The following OLFM3 variants were observed in gnomAD, a reference collection of about 807,000 sequenced individuals.
OLFM3 encodes the protein olfactomedin 3.
OLFM3 carries 20 observed loss-of-function variants against 48.6 expected under a neutral mutation model. The ratio of observed to expected loss-of-function variants is 0.41; its 90% CI spans 0.29 to 0.60. The LOEUF is 0.60. Among genes scored for constraint, OLFM3 ranks in the 20% least tolerant of loss-of-function variants. The pLI, the probability that OLFM3 is intolerant of heterozygous loss-of-function variation, is 0.28. For missense variants in OLFM3, 437 were observed against 544.3 expected (o/e 0.80, Z 1.96); for synonymous variants, 222 against 198.1 (o/e 1.12, Z -1.01).
chr1:101,957,232 C>T (rs1660324664), intron 1 of OLFM3, among the ~76,000 whole-genome samples: 1 of 151,958 alleles, frequency 6.6e-6, no homozygotes, highest in Admixed American at 6.6e-5. Flanking sequence ...CTTTTGGAGT[C>T]AGTCTCATAT....
At chr1:101,993,419 A>G (rs1029889485) in intron 1 of OLFM3, among the ~76,000 whole-genome samples, 1 of 152,120 alleles carries the variant, frequency 6.6e-6, no homozygotes, top group Non-Finnish European at 1.5e-5. Context: ...AATTCCCTAC[A>G]CAGAAATAGT....
At chr1:101,940,020 A>G (rs1409189171) in intron 1 of OLFM3, among the ~76,000 whole-genome samples, 1 of 152,126 alleles carries the variant, frequency 6.6e-6, no homozygotes, top group Non-Finnish European at 1.5e-5. Context: ...TCACATTTTC[A>G]TCTCAATTTG....
In OLFM3 at chr1:101,803,882, C is replaced by G. The variant is rs527463243; in HGVS notation, c.*356G>C. 3.8e-5 allele frequency: 6 copies of G among 158,812 alleles called. No individual in the cohort carries two copies. Among genetic ancestry groups the G allele is most frequent in the Non-Finnish European group, 8.2e-5 (6 of 73,024 alleles). 9.8% of individuals were successfully genotyped at this position (158,812 alleles called of 1,614,324 possible). A position where few individuals can be genotyped will look rare whatever the true frequency, so the allele number is the denominator to read the frequency against. On this transcript the variant is annotated 3_prime_UTR_variant, in exon 6 of 6. Coordinates refer to ENST00000370103, the MANE Select transcript of OLFM3 (RefSeq NM_058170.4). ...TGGAGCAAAAGACAGTAAAAAATGA[C>G]AGTTTTAAAAAAAAAGACATTCGTG...
At chr1:101,854,006 G>T (rs1425075290) in intron 1 of OLFM3, among the ~76,000 whole-genome samples, 1 of 151,898 alleles carries the variant, frequency 6.6e-6, no homozygotes, top group Non-Finnish European at 1.5e-5. Context: ...CTTGCCTTTG[G>T]CTAGCCAAAT....
chr1:101,819,226 A>G (rs1349221506), intron 4 of OLFM3, among the ~76,000 whole-genome samples: 2 of 152,056 alleles, frequency 1.3e-5, no homozygotes, highest in Non-Finnish European at 2.9e-5. Context: ...AGCATGCGCA[A>G]TTGAGAAACT....
At chr1:101,926,116 T>C (rs1236875244) in intron 1 of OLFM3, among the ~76,000 whole-genome samples, 3 of 152,208 alleles carry the variant, frequency 2.0e-5, no homozygotes, top group African/African-American at 7.2e-5. Flanking sequence ...TCATTATAAA[T>C]AGTCCAGTGT....
intron 1 of OLFM3, among the ~76,000 whole-genome samples, chr1:101,930,977 A>C (rs1236736150): frequency 2.6e-5 from 4 of 152,228 alleles, no homozygotes; most frequent in African/African-American, 9.6e-5. Flanking sequence ...TTTTAAAGAA[A>C]TTGATATTTT....
At chr1:101,930,909 G>C (rs1311611634) in intron 1 of OLFM3, among the ~76,000 whole-genome samples, 1 of 152,122 alleles carries the variant, frequency 6.6e-6, no homozygotes, top group Non-Finnish European at 1.5e-5. Context: ...CAAAATAATG[G>C]GACCTAAAGG....
intron 1 of OLFM3, among the ~76,000 whole-genome samples, chr1:101,929,549 C>G (rs1214339544): frequency 1.3e-5 from 2 of 151,960 alleles, no homozygotes; most frequent in African/African-American, 4.8e-5. Flanking sequence ...CCAATTAGCT[C>G]CTGAGACAGC....
In OLFM3 at chr1:101,813,740, A is replaced by G. The variant is rs12088855; in HGVS notation, c.593-7558T>C. On this transcript the variant is annotated intron_variant, in intron 4 of 5. Transcript: ENST00000370103. The stretch of plus-strand genomic sequence containing the variant: ...TCTGACCAGTGACTCAAAATGCCCA[A>G]TTGCAGGCTTTGTCTTCCTGCTATT... 5.7e-3 allele frequency among the ~76,000 whole-genome samples: 870 copies of G among 152,228 alleles called. 10 individuals are homozygous for G. The highest frequency in any genetic ancestry group is 0.02 in the African/African-American group (812 of 41,552).
chr1:101,853,623 T>C (rs1288593696), intron 1 of OLFM3, among the ~76,000 whole-genome samples: 1 of 152,052 alleles, frequency 6.6e-6, no homozygotes, highest in Non-Finnish European at 1.5e-5. Context: ...ATGAGATAAA[T>C]GGATAAATGA....
chr1:101,885,375 G>A (rs577692334), intron 1 of OLFM3, among the ~76,000 whole-genome samples: 7 of 152,028 alleles, frequency 4.6e-5, no homozygotes, highest in South Asian at 2.1e-4. Flanking sequence ...TCTATGATAC[G>A]AGCACTGAAA....
Position 101,830,072 on chromosome 1 carries a change from T to C in OLFM3, c.372+600A>G, listed in dbSNP as rs558354864. ...CCAGGATGGTCTCAATCTCCTGACCTTGTGATCTGCCCACCTCGGCCTCCC... is the reference window on the plus strand; with the variant it reads ...CCAGGATGGTCTCAATCTCCTGACCCTGTGATCTGCCCACCTCGGCCTCCC... On this transcript the variant is annotated intron_variant, in intron 3 of 5. Transcript: ENST00000370103. 7.9e-5 allele frequency among the ~76,000 whole-genome samples: 12 copies of C among 152,140 alleles called. No homozygotes were observed. In the South Asian group the frequency reaches 2.5e-3, roughly 32 times the overall value.
intron 1 of OLFM3, among the ~76,000 whole-genome samples, chr1:101,951,510 T>G (rs1429629289): frequency 1.3e-5 from 2 of 152,148 alleles, no homozygotes; most frequent in Non-Finnish European, 2.9e-5. Flanking sequence ...TGGCAGGGGT[T>G]CCTGTAATGA....
chr1:101,993,171 T>A (rs1661463049), intron 1 of OLFM3, among the ~76,000 whole-genome samples: 1 of 152,130 alleles, frequency 6.6e-6, no homozygotes, highest in South Asian at 2.1e-4. Flanking sequence ...CCAGTGTCAA[T>A]GTTGTGTTTG....
At position 101,804,883 on chromosome 1, in the gene OLFM3, T is replaced by A; in HGVS notation, c.732A>T (p.Lys244Asn). 2 of 1,611,662 alleles carry A rather than the reference T, an allele frequency of 1.2e-6. No individual in the cohort carries two copies. The highest frequency in any genetic ancestry group is 1.7e-6 in the Non-Finnish European group (2 of 1,178,692). ...VWYMDSYTNN[K>N]IVREYKSIAD... is the part of the protein sequence containing the mutation. The stretch of plus-strand genomic sequence containing the variant: ...CAATTGATTTGTATTCACGAACAAT[T>A]TTATTGTTAGTATAACTGTCCATGT... Residue 244 changes from lysine (K) to asparagine (N), a missense_variant, in exon 6 of 6, where the codon AAA (lysine) becomes AAT (asparagine). By Grantham distance (94) the Lys-to-Asn change is moderately conservative. Around this residue, in one of 3 missense-constraint regions of OLFM3, gnomAD observed 314 missense variants for 365.5 expected, o/e 0.86. Transcript: ENST00000370103. The surrounding 1 kb of genome is among the most constrained non-coding windows in gnomAD (Gnocchi z 4.5).
At chr1:101,961,479 C>G (rs1275271220) in intron 1 of OLFM3, among the ~76,000 whole-genome samples, 1 of 151,778 alleles carries the variant, frequency 6.6e-6, no homozygotes, top group Non-Finnish European at 1.5e-5. Flanking sequence ...TTATTAAAAA[C>G]TTTTTAAAAA....
At chr1:101,993,973 A>C (rs1231993775) in intron 1 of OLFM3, among the ~76,000 whole-genome samples, 2 of 151,274 alleles carry the variant, frequency 1.3e-5, no homozygotes, top group African/African-American at 4.8e-5. Context: ...AAAAAGACAC[A>C]CACCGCATTA....
chr1:101,905,217 T>C (rs567733817), intron 1 of OLFM3, among the ~76,000 whole-genome samples: 2 of 152,292 alleles, frequency 1.3e-5, no homozygotes, highest in African/African-American at 4.8e-5. Flanking sequence ...ATTGCAAAAC[T>C]CTAATGTAAC....
Sources: gnomAD v4.1 joint callset for allele counts (sites outside exome capture counted in the v4.1 genomes callset) on GRCh38, gnomAD v4.1.1 for gene constraint, gnomAD v4.1.1 regional missense constraint, Gnocchi (gnomAD v3.1) non-coding constraint, MANE v1.5 for transcripts, NCBI Gene and HGNC (gene_info 2026-07-23, HGNC 2026-07-21) for gene names.